The following MRE11 variants were observed in gnomAD, a reference collection of about 807,000 sequenced individuals.
MRE11 encodes MRE11 double strand break repair nuclease.
In MRE11, 62 loss-of-function variants were observed where a neutral mutation model predicts 91.7. The observed-to-expected ratio is 0.68, with a 90% confidence interval of 0.55 to 0.84. The LOEUF is 0.84. MRE11 is among the 40% of genes least tolerant of loss of function. The probability of loss-of-function intolerance (pLI) is 0.00; values close to 1 mark genes in which losing one functional copy is unlikely to be tolerated. For synonymous variants in MRE11, 273 were observed against 271.4 expected (o/e 1.01, Z -0.06); for missense variants, 796 against 852.9 (o/e 0.93, Z 0.83).
rs1398118094 is a variant in MRE11, at chr11:94,490,863, A to C, written c.123T>G (p.Asp41Glu). ...TTTCCTGGGCAAGTCTTAAAATTTC[A>C]TCGAGTGTTACAAACGTATCATTTC... ...VRGNDTFVTL[D>E]EILRLAQENE... The change falls in exon 3 of 20, where the codon GAT becomes GAG. Residue 41 changes from aspartate to glutamate, a missense_variant. Transcript: ENST00000323929. The C allele has an allele frequency of 6.2e-7, 1 of 1,613,662 alleles. No homozygotes were observed. Among genetic ancestry groups the C allele is most frequent in the Non-Finnish European group, 8.5e-7 (1 of 1,179,780 alleles).
chr11:94,430,423 T>C (rs189370022), intron 18 of MRE11, among the ~76,000 whole-genome samples: 161 of 152,294 alleles, frequency 1.1e-3, no homozygotes, highest in African/African-American at 3.6e-3. Context: ...CATGGGAACA[T>C]TGAAATATTT....
At chr11:94,430,366 T>C (rs1331659066) in intron 18 of MRE11, among the ~76,000 whole-genome samples, 1 of 152,196 alleles carries the variant, frequency 6.6e-6, no homozygotes, top group African/African-American at 2.4e-5. Context: ...TTATAGTACT[T>C]ATCATGTACC....
chr11:94,425,002 C>T (rs1014919116), intron 19 of MRE11, among the ~76,000 whole-genome samples: 5 of 152,048 alleles, frequency 3.3e-5, no homozygotes, highest in African/African-American at 1.2e-4. Context: ...ACAGAGAATT[C>T]CTATCAGACA....
intron 2 of MRE11, among the ~76,000 whole-genome samples, chr11:94,492,213 T>C (rs1165971557): frequency 6.6e-6 from 1 of 152,032 alleles, no homozygotes; most frequent in Middle Eastern, 3.2e-3. Flanking sequence ...CTCAGCCTCC[T>C]GAGTAGCTGG....
chr11:94,491,719 T>C lies in MRE11; in HGVS notation c.21-754A>G, dbSNP rs574833982. ...GTGACAGAAACAGGACTAAAACCCA[T>C]GATGAAAACTCAGGCTATTTTCAAT... On this transcript the variant is annotated intron_variant, in intron 2 of 19. Transcript: ENST00000323929. 7.2e-5 allele frequency among the ~76,000 whole-genome samples: 11 copies of C among 152,244 alleles called. No individual in the cohort carries two copies. The East Asian group carries it at 1.7e-3, about 24-fold the overall frequency.
In MRE11 at chr11:94,457,873, C is replaced by CCTCT. The variant is rs71305376; in HGVS notation, c.1500+1531_1500+1534dup. 1.2e-3 allele frequency among the ~76,000 whole-genome samples: 178 copies of CCTCT among 144,388 alleles called. 2 individuals carry two copies. Among genetic ancestry groups the CCTCT allele is most frequent in the South Asian group, 4.1e-3 (18 of 4,428 alleles). 94.7% of individuals were successfully genotyped at this position (144,388 alleles called of 152,430 possible). On this transcript the variant is annotated intron_variant, in intron 13 of 19. Coordinates refer to ENST00000323929, the MANE Select transcript of MRE11 (RefSeq NM_005591.4). ...CACACTCTTTCTCTTTCTCTCTCTC[C>CCTCT]CTCTCTCTCTCTCTCACACACACAC... is the stretch of plus-strand genomic sequence containing the variant.
Position 94,437,487 on chromosome 11 carries a change from T to A in MRE11, c.1868-252A>T, listed in dbSNP as rs141104542. ...CTGTAGTGTTTATAAATACACACAC[T>A]AAAAATATTTCATAGAAAAACACCT... On this transcript the variant is annotated intron_variant, in intron 16 of 19. Coordinates refer to ENST00000323929, the MANE Select transcript of MRE11 (RefSeq NM_005591.4). Among the ~76,000 whole-genome samples the A allele has an allele frequency of 1.1e-3, 175 of 152,330 alleles. 3 individuals carry two copies. In the East Asian group the frequency reaches 0.025, roughly 21 times the overall value.
intron 19 of MRE11, among the ~76,000 whole-genome samples, chr11:94,427,089 C>T (rs1030363641): frequency 6.6e-5 from 10 of 152,110 alleles, no homozygotes; most frequent in Non-Finnish European, 1.5e-5. Context: ...AGAGACACAA[C>T]AAAACAAAGA....
intron 18 of MRE11, among the ~76,000 whole-genome samples, chr11:94,432,258 C>T (rs998555872): frequency 1.3e-4 from 20 of 152,326 alleles, no homozygotes; most frequent in Admixed American, 7.8e-4. Flanking sequence ...AACTGATTTG[C>T]ATCTGCGCCC....
At position 94,452,531 on chromosome 11, in the gene MRE11, T is replaced by C. The variant is rs540203239; in HGVS notation, c.1563+3745A>G. Among the ~76,000 whole-genome samples, 4 of 152,308 alleles carry C rather than the reference T, an allele frequency of 2.6e-5. No homozygotes were observed. In the South Asian group the frequency reaches 8.3e-4, roughly 32 times the overall value. ...TATGTAGCAAAATTTAAAATAAATA[T>C]GCCCTATTATGATTACTTCTTGGAA... On this transcript the variant is annotated intron_variant, in intron 14 of 19. Transcript: ENST00000323929.
chr11:94,497,266 CTTATTACA>C (rs1947429075), upstream of MRE11: 2 of 485,506 alleles, frequency 4.1e-6, no homozygotes, highest in Non-Finnish European at 7.2e-6. Context: ...TACCAGGTAC[CTTATTACA>C]TTATTTTATT....
chr11:94,429,946 G>C lies in MRE11; in HGVS notation c.2035C>G (p.Gln679Glu), dbSNP rs1332059826. 6.2e-7 allele frequency: 1 copy of C among 1,613,864 alleles called. No homozygotes were observed. Among genetic ancestry groups the C allele is most frequent in the Non-Finnish European group, 8.5e-7 (1 of 1,179,976 alleles). Residue 679 changes from glutamine (Q) to glutamate (E), a missense_variant, in exon 19 of 20, where the codon CAA becomes GAA. Physicochemically the swap from Gln to Glu is conservative, Grantham distance 29. Coordinates refer to ENST00000323929, the MANE Select transcript of MRE11 (RefSeq NM_005591.4). The stretch of plus-strand genomic sequence containing the variant: ...TCAAAATCAACCCCTTTCGATACTT[G>C]ACTCTGGGACATGATTTTGCTGGAT... Reference protein sequence around the residue: ...TSSSKIMSQSQVSKGVDFESS... With the variant: ...TSSSKIMSQSEVSKGVDFESS...
intron 16 of MRE11, among the ~76,000 whole-genome samples, chr11:94,444,632 T>TA (rs1417084482): frequency 6.6e-6 from 1 of 152,170 alleles, no homozygotes; most frequent in Non-Finnish European, 1.5e-5. Context: ...GCATAACTCT[T>TA]ACTGACCTAA....
rs786201985 is a variant in MRE11 at position 94,467,887 on chromosome 11, C to T, written c.1024G>A (p.Glu342Lys). The T allele has an allele frequency of 6.2e-7, 1 of 1,613,270 alleles. No individual in the cohort carries two copies. The highest frequency in any genetic ancestry group is 1.3e-5 in the African/African-American group (1 of 74,888). Reference sequence around the variant, plus strand: ...TCCCGTTCAGCATTTTCAAGCATTTCTTCAATCTCAAAATTTTTAAAAAGA... The same window carrying T: ...TCCCGTTCAGCATTTTCAAGCATTTTTTCAATCTCAAAATTTTTAAAAAGA... ...IQSFCLEKIE[E>K]MLENAERERL... Residue 342 changes from glutamate (E) to lysine (K), a missense_variant, in exon 10 of 20, where the codon GAA becomes AAA. Glu to Lys is a moderately conservative substitution (Grantham distance 56). Transcript: ENST00000323929.
chr11:94,436,045 ACACT>A (rs1231966811), intron 17 of MRE11, 146 bp from the exon 18 acceptor site: 4 of 767,790 alleles, frequency 5.2e-6, no homozygotes, highest in Non-Finnish European at 6.7e-6. Context: ...ATTAAAACTA[ACACT>A]CAGTCTGACC....
intron 12 of MRE11, 42 bp downstream of exon 12, chr11:94,460,894 A>G (rs1276919132): frequency 1.4e-6 from 2 of 1,469,464 alleles, no homozygotes; most frequent in African/African-American, 2.8e-5. Context: ...ATCTGTTACT[A>G]TAAGGTAGCC....
At chr11:94,420,989 G>A (rs1276081383) in intron 19 of MRE11, among the ~76,000 whole-genome samples, 1 of 151,096 alleles carries the variant, frequency 6.6e-6, no homozygotes. Context: ...CTGAGATCGT[G>A]CCACTGCACT....
At chr11:94,511,249 T>C in the MRE11 span, among the ~76,000 whole-genome samples, 1 of 152,242 alleles carries the variant, frequency 6.6e-6, no homozygotes, top group African/African-American at 2.4e-5. Context: ...AGCGATCTCC[T>C]GCTTTTGCTA....
chr11:94,491,088 C>T, intron 2 of MRE11, 123 bp from the exon 3 acceptor site: 1 of 681,256 alleles, frequency 1.5e-6, no homozygotes, highest in Non-Finnish European at 2.4e-6. Context: ...TTTTTTTAGC[C>T]TTAGAGTTCA....
Sources: allele counts gnomAD v4.1 joint callset (sites outside exome capture counted in the v4.1 genomes callset), GRCh38; gene constraint gnomAD v4.1.1; transcripts MANE v1.5; gene names NCBI Gene and HGNC (gene_info 2026-07-23, HGNC 2026-07-21).